The following CDK14 variants were observed in gnomAD, a reference collection of about 807,000 sequenced individuals.
CDK14 encodes cyclin-dependent kinase 14.
Under a neutral mutation model 60.7 loss-of-function variants are expected in CDK14, and 34 were observed. The observed-to-expected ratio is 0.56, with a 90% confidence interval of 0.43 to 0.75. The LOEUF is 0.75. CDK14 is among the 30% of genes least tolerant of loss of function. The pLI, the probability that CDK14 is intolerant of heterozygous loss-of-function variation, is 0.00. For missense variants in CDK14, 482 were observed against 564.1 expected (o/e 0.85, Z 1.47); for synonymous variants, 197 against 203.7 (o/e 0.97, Z 0.28).
At position 91,076,242 on chromosome 7, in the gene CDK14, C is replaced by CAAAAAAAAAAAAAAAAAAAAAAAAA. The variant is rs564729987; in HGVS notation, c.1106-3180_1106-3156dup. Reference sequence around the variant, plus strand: ...AACTATACTACAGTGCTACAGTAACCAAAAAAAAAAAAAAAAAAAAAAAAA... The same window carrying CAAAAAAAAAAAAAAAAAAAAAAAAA: ...AACTATACTACAGTGCTACAGTAACCAAAAAAAAAAAAAAAAAAAAAAAAAAAAAAAAAAAAAAAAAAAAAAAAAA... On this transcript the variant is annotated intron_variant, in intron 11 of 14. Transcript: ENST00000380050. 1.4e-4 allele frequency among the ~76,000 whole-genome samples: 4 copies of CAAAAAAAAAAAAAAAAAAAAAAAAA among 28,800 alleles called. 1 individual carries two copies. The highest frequency in any genetic ancestry group is 1.4e-4 in the Non-Finnish European group (2 of 14,460). 18.9% of individuals were successfully genotyped at this position (28,800 alleles called of 152,430 possible). A position where few individuals can be genotyped will look rare whatever the true frequency, so the allele number is the denominator to read the frequency against.
At chr7:91,095,862 T>C (rs1798968554) in intron 12 of CDK14, among the ~76,000 whole-genome samples, 1 of 151,716 alleles carries the variant, frequency 6.6e-6, no homozygotes, top group South Asian at 2.1e-4. Flanking sequence ...TTTCCCAAAA[T>C]TATCTTTAAT....
chr7:91,002,801 C>T (rs561903355), intron 10 of CDK14, among the ~76,000 whole-genome samples: 5 of 152,074 alleles, frequency 3.3e-5, no homozygotes, highest in East Asian at 1.9e-4. Context: ...TGGCCGGGCC[C>T]GGTGGTTCAC....
intron 3 of CDK14, among the ~76,000 whole-genome samples, chr7:90,733,738 C>A (rs1232246948): frequency 6.6e-6 from 1 of 152,182 alleles, no homozygotes; most frequent in Admixed American, 6.5e-5. Flanking sequence ...ATACAGCACA[C>A]TGATGGGTCT....
At position 90,968,053 on chromosome 7, in the gene CDK14, A is replaced by C. The variant is rs191977660; in HGVS notation, c.947+12236A>C. Among the ~76,000 whole-genome samples the C allele has an allele frequency of 4.4e-3, 672 of 152,352 alleles. 4 individuals carry two copies. The highest frequency in any genetic ancestry group is 5.5e-3 in the Non-Finnish European group (371 of 68,032). Reference sequence around the variant, plus strand: ...TATGACAATTGTGAATTAATTCTTCAGTACTGCATTACCTGGAGGTTATTT... The same window carrying C: ...TATGACAATTGTGAATTAATTCTTCCGTACTGCATTACCTGGAGGTTATTT... On this transcript the variant is annotated intron_variant, in intron 9 of 14. Coordinates refer to ENST00000380050, the MANE Select transcript of CDK14 (RefSeq NM_001287135.2).
intron 10 of CDK14, among the ~76,000 whole-genome samples, chr7:91,012,792 T>C (rs1250172362): frequency 6.6e-6 from 1 of 152,154 alleles, no homozygotes; most frequent in Admixed American, 6.5e-5. Flanking sequence ...ATGCTAGATA[T>C]ATAGTAAATA....
At chr7:90,634,620 C>T (rs1270766232) in intron 2 of CDK14, among the ~76,000 whole-genome samples, 9 of 151,954 alleles carry the variant, frequency 5.9e-5, no homozygotes, top group South Asian at 2.1e-4. Context: ...TATAGCAGCA[C>T]GATTTATAGT....
chr7:90,852,557 G>T (rs1790680827), intron 5 of CDK14, among the ~76,000 whole-genome samples: 1 of 152,150 alleles, frequency 6.6e-6, no homozygotes, highest in Non-Finnish European at 1.5e-5. Context: ...CCCAGTCTTT[G>T]CCACCATATG....
intron 2 of CDK14, among the ~76,000 whole-genome samples, chr7:90,619,680 G>A (rs1257075187): frequency 6.6e-6 from 1 of 152,090 alleles, no homozygotes; most frequent in Non-Finnish European, 1.5e-5. Context: ...GGCTGTTTTG[G>A]GGAATGTAAA....
At chr7:90,903,579 G>C (rs1342276630) in intron 7 of CDK14, among the ~76,000 whole-genome samples, 4 of 152,086 alleles carry the variant, frequency 2.6e-5, no homozygotes, top group Non-Finnish European at 5.9e-5. Context: ...TGGAGTGGGG[G>C]ATGAAGAGAG....
intron 5 of CDK14, among the ~76,000 whole-genome samples, chr7:90,849,928 A>C (rs556455045): frequency 8.5e-5 from 13 of 152,130 alleles, no homozygotes; most frequent in Non-Finnish European, 1.6e-4. Context: ...AGTTTCCGAC[A>C]TGTGCTTTTA....
intron 4 of CDK14, among the ~76,000 whole-genome samples, chr7:90,788,259 T>C (rs183807857): frequency 1.5e-3 from 230 of 152,192 alleles, no homozygotes; most frequent in African/African-American, 5.2e-3. Flanking sequence ...AGTGATGAGC[T>C]CAACTGGGCT....
intron 2 of CDK14, chr7:90,709,629 GAA>G: frequency 6.3e-7 from 1 of 1,591,464 alleles, no homozygotes; most frequent in South Asian, 1.1e-5. Context: ...ATCGTGTTTG[GAA>G]AAAAAAATTA....
At chr7:90,855,126 G>GTAAA (rs1252373832) in intron 5 of CDK14, among the ~76,000 whole-genome samples, 1 of 152,192 alleles carries the variant, frequency 6.6e-6, no homozygotes, top group Non-Finnish European at 1.5e-5. Context: ...TTTGCACTGA[G>GTAAA]TAAATTTTAA....
chr7:90,643,535 A>G (rs772912432), intron 2 of CDK14, among the ~76,000 whole-genome samples: 1 of 152,216 alleles, frequency 6.6e-6, no homozygotes, highest in Non-Finnish European at 1.5e-5. Context: ...CAGTAGTAGC[A>G]AAGCCTTGTT....
At chr7:90,748,898 T>C (rs1803699856) in intron 4 of CDK14, among the ~76,000 whole-genome samples, 1 of 152,200 alleles carries the variant, frequency 6.6e-6, no homozygotes, top group African/African-American at 2.4e-5. Context: ...CAGATTAGAA[T>C]ATTGTAACTT....
chr7:91,146,355 C>G (rs1800638361), intron 14 of CDK14, among the ~76,000 whole-genome samples: 1 of 152,158 alleles, frequency 6.6e-6, no homozygotes, highest in African/African-American at 2.4e-5. Context: ...TGCCCACCAC[C>G]ATGCCTGGCT....
At chr7:90,709,227 G>C (rs1801973263) in intron 2 of CDK14, 1 of 326,024 alleles carries the variant, frequency 3.1e-6, no homozygotes, top group Non-Finnish European at 5.5e-6. Context: ...ATTTGCATAT[G>C]ACAAATATAT....
chr7:90,740,376 A>C (rs1177132603), intron 3 of CDK14, among the ~76,000 whole-genome samples: 1 of 152,022 alleles, frequency 6.6e-6, no homozygotes, highest in East Asian at 1.9e-4. Flanking sequence ...CCCAGCCCCC[A>C]GTACCTCAGA....
chr7:90,941,729 C>T (rs1300537073), intron 8 of CDK14, among the ~76,000 whole-genome samples: 1 of 152,102 alleles, frequency 6.6e-6, no homozygotes, highest in Non-Finnish European at 1.5e-5. Flanking sequence ...GCTGAGAATA[C>T]AGGTGCATGC....
Sources: allele counts gnomAD v4.1 joint callset (sites outside exome capture counted in the v4.1 genomes callset), GRCh38; gene constraint gnomAD v4.1.1; transcripts MANE v1.5; gene names NCBI Gene and HGNC (gene_info 2026-07-23, HGNC 2026-07-21).